The following FNBP1L variants were observed in gnomAD, a reference collection of about 807,000 sequenced individuals.
FNBP1L encodes the protein formin-binding protein 1-like.
A neutral mutation model predicts 91.2 loss-of-function variants in FNBP1L; 36 were observed. The observed-to-expected ratio is 0.39, with a 90% CI of 0.30 to 0.52. The LOEUF (loss-of-function observed/expected upper bound fraction) is 0.52, where lower values mean the gene tolerates loss of function less well. Among genes scored for constraint, FNBP1L ranks in the 20% least tolerant of loss-of-function variants. FNBP1L has a pLI of 0.66. For synonymous variants in FNBP1L, 242 were observed against 237.0 expected (o/e 1.02, Z -0.19); for missense variants, 571 against 732.1 (o/e 0.78, Z 2.54).
intron 1 of FNBP1L, among the ~76,000 whole-genome samples, chr1:93,488,679 A>G (rs547979849): frequency 1.3e-5 from 2 of 152,254 alleles, no homozygotes; most frequent in African/African-American, 4.8e-5. Context: ...TGGCTTGCTT[A>G]TTCAGCTTTT....
intron 1 of FNBP1L, among the ~76,000 whole-genome samples, chr1:93,488,659 C>T (rs770497826): frequency 6.6e-5 from 10 of 152,168 alleles, no homozygotes; most frequent in East Asian, 1.9e-4. Flanking sequence ...CCCTCTTGCT[C>T]GCTCAGCTGT....
At chr1:93,504,368 C>T (rs561601624) in intron 2 of FNBP1L, among the ~76,000 whole-genome samples, 1 of 152,156 alleles carries the variant, frequency 6.6e-6, no homozygotes, top group East Asian at 1.9e-4. Context: ...CAGAGCAATC[C>T]AAATATAGCT....
chr1:93,451,193 A>T (rs979507342), intron 1 of FNBP1L, among the ~76,000 whole-genome samples: 2 of 152,282 alleles, frequency 1.3e-5, no homozygotes, highest in African/African-American at 4.8e-5. Flanking sequence ...TTTATTACAT[A>T]GCAAGAATGG....
rs1671112654 is a variant in FNBP1L at position 93,516,324 on chromosome 1, T to C, written c.141-5758T>C. Among the ~76,000 whole-genome samples, 3 of 152,160 alleles carry C rather than the reference T, an allele frequency of 2.0e-5. 1 individual carries two copies. In the South Asian group the frequency reaches 6.2e-4, roughly 32 times the overall value. ...GGGGACCTCTTGATCTGCAGTCAAA[T>C]GCTCTACCACCTGAGCTATACCCCC... On this transcript the variant is annotated intron_variant, in intron 2 of 16. Transcript: ENST00000271234.
chr1:93,481,927 A>AG, intron 1 of FNBP1L, among the ~76,000 whole-genome samples: 1 of 152,314 alleles, frequency 6.6e-6, no homozygotes, highest in East Asian at 1.9e-4. Flanking sequence ...TGGGAGGCTG[A>AG]GGCCAGAGGA....
intron 1 of FNBP1L, among the ~76,000 whole-genome samples, chr1:93,480,979 C>T (rs995305551): frequency 1.3e-5 from 2 of 152,020 alleles, no homozygotes; most frequent in African/African-American, 2.4e-5. Flanking sequence ...AATAATGGTT[C>T]GGGTAGAATT....
chr1:93,510,550 C>T (rs868751415), intron 2 of FNBP1L, among the ~76,000 whole-genome samples: 31 of 152,126 alleles, frequency 2.0e-4, no homozygotes, highest in African/African-American at 7.0e-4. Context: ...AAGCAGAGCG[C>T]CTCTCCTCCT....
chr1:93,479,426 C>CA (rs1288070232), intron 1 of FNBP1L, among the ~76,000 whole-genome samples: 1 of 152,150 alleles, frequency 6.6e-6, no homozygotes, highest in Non-Finnish European at 1.5e-5. Flanking sequence ...CAACAGAAAA[C>CA]AGCGTTCCAG....
chr1:93,529,950 C>T lies in FNBP1L; in HGVS notation c.510+194C>T, dbSNP rs1169325868. On this transcript the variant is annotated intron_variant, in intron 6 of 16. Transcript: ENST00000271234. ...GAAAGTAATATATGTTAATTTATTA[C>T]AATATCTTAGCTGCATTCAAATTTA... Among the ~76,000 whole-genome samples, 4 of 152,240 alleles carry T rather than the reference C, an allele frequency of 2.6e-5. No homozygotes were observed. In the East Asian group the frequency reaches 7.7e-4, roughly 29 times the overall value.
chr1:93,513,671 C>T (rs1557802444), intron 2 of FNBP1L, among the ~76,000 whole-genome samples: 1 of 152,174 alleles, frequency 6.6e-6, no homozygotes, highest in Non-Finnish European at 1.5e-5. Flanking sequence ...ACAAAAACCA[C>T]ATGATTATCT....
chr1:93,471,423 A>G (rs1370593408), intron 1 of FNBP1L, among the ~76,000 whole-genome samples: 2 of 152,122 alleles, frequency 1.3e-5, no homozygotes, highest in African/African-American at 4.8e-5. Context: ...CAGGCACTGT[A>G]GCGCATGCCT....
intron 1 of FNBP1L, among the ~76,000 whole-genome samples, chr1:93,486,840 C>T (rs1015944976): frequency 1.3e-5 from 2 of 152,212 alleles, no homozygotes; most frequent in African/African-American, 4.8e-5. Context: ...ACTGCTTCTA[C>T]ACTTAAGTGT....
At chr1:93,524,595 T>C (rs1451057298) in intron 5 of FNBP1L, among the ~76,000 whole-genome samples, 1 of 150,538 alleles carries the variant, frequency 6.6e-6, no homozygotes, top group Non-Finnish European at 1.5e-5. Flanking sequence ...TTTTTTTTTT[T>C]TTTTTTACTT....
intron 11 of FNBP1L, among the ~76,000 whole-genome samples, chr1:93,542,582 A>G (rs1348480495): frequency 6.6e-6 from 1 of 151,298 alleles, no homozygotes; most frequent in East Asian, 1.9e-4. Flanking sequence ...ACATTTAATT[A>G]TAGCTCATCC....
chr1:93,475,440 G>T (rs1411727948), intron 1 of FNBP1L, among the ~76,000 whole-genome samples: 10 of 151,958 alleles, frequency 6.6e-5, no homozygotes, highest in Non-Finnish European at 1.5e-5. Context: ...TTGGGAGGCT[G>T]AGGTGGGAGG....
In FNBP1L at chr1:93,480,586, A is replaced by C. The variant is rs1190143572; in HGVS notation, c.25-18882A>C. Among the ~76,000 whole-genome samples, 3 of 145,720 alleles carry C rather than the reference A, an allele frequency of 2.1e-5. No homozygotes were observed. The Admixed American group carries it at 2.1e-4, about 10-fold the overall frequency. On this transcript the variant is annotated intron_variant, in intron 1 of 16. Transcript: ENST00000271234. ...AAGTTGGGTCTCTTAGAGTCTCTTAATTTTTTTTTTTTTAATTTTTTTTGA... is the reference window on the plus strand; with the variant it reads ...AAGTTGGGTCTCTTAGAGTCTCTTACTTTTTTTTTTTTTAATTTTTTTTGA...
At chr1:93,539,941 A>AACACCTT (rs1671975902) in intron 10 of FNBP1L, among the ~76,000 whole-genome samples, 1 of 152,166 alleles carries the variant, frequency 6.6e-6, no homozygotes, top group Non-Finnish European at 1.5e-5. Flanking sequence ...ACATCTCCCC[A>AACACCTT]ACACCTTCTC....
chr1:93,532,779 A>T (rs1035581652), intron 7 of FNBP1L, 143 bp from the exon 8 acceptor site: 1 of 507,044 alleles, frequency 2.0e-6, no homozygotes, highest in Non-Finnish European at 3.3e-6. Context: ...TTATAAGTCA[A>T]TAGCACTTGT....
intron 16 of FNBP1L, chr1:93,552,084 A>C (rs887927703): frequency 2.7e-5 from 29 of 1,088,158 alleles, no homozygotes; most frequent in African/African-American, 1.5e-4. Flanking sequence ...GCATTTTGTT[A>C]TTTCCGCTGA....
Sources: allele counts gnomAD v4.1 joint callset (sites outside exome capture counted in the v4.1 genomes callset), GRCh38; gene constraint gnomAD v4.1.1; transcripts MANE v1.5; gene names NCBI Gene and HGNC (gene_info 2026-07-23, HGNC 2026-07-21).